Variants in TMEM272 observed in about 807,000 individuals in gnomAD.
The protein encoded by TMEM272 is transmembrane protein 272.
A neutral mutation model predicts 3.7 loss-of-function variants in TMEM272; 8 were observed. The ratio of observed to expected loss-of-function variants is 2.17; its 90% confidence interval spans 1.27 to 3.91. The LOEUF (loss-of-function observed/expected upper bound fraction) is 3.91. TMEM272 is among the 30% of genes most tolerant of loss of function. TMEM272 has a pLI of 0.00. For missense variants in TMEM272, 166 were observed against 91.5 expected, an observed-to-expected ratio of 1.81 and a Z score of -3.32; for synonymous variants, 63 against 39.8, an observed-to-expected ratio of 1.58 and a Z score of -2.20.
At chr13:51,860,632 A>G in the TMEM272 span, among the ~76,000 whole-genome samples, 2 of 63,552 alleles carry the variant, frequency 3.1e-5, no homozygotes, top group African/African-American at 1.4e-4. Flanking sequence ...TGACAGAAAC[A>G]TGTCTCAAAA....
the TMEM272 span, among the ~76,000 whole-genome samples, chr13:51,875,850 A>G: frequency 6.6e-6 from 1 of 152,008 alleles, no homozygotes. Flanking sequence ...CCTGTGGGAG[A>G]CAGCTGTCTT....
At chr13:51,874,346 C>CT in the TMEM272 span, among the ~76,000 whole-genome samples, 9 of 152,246 alleles carry the variant, frequency 5.9e-5, no homozygotes, top group South Asian at 2.1e-4. Flanking sequence ...GTTTCTTTCT[C>CT]TTTTTTTAAC....
intron 2 of TMEM272, among the ~76,000 whole-genome samples, chr13:51,830,038 A>G (rs1956160025): frequency 6.6e-6 from 1 of 152,198 alleles, no homozygotes; most frequent in East Asian, 1.9e-4. Flanking sequence ...AATCACTCTT[A>G]TCTTCCCTTA....
chr13:51,904,495 A>G, the TMEM272 span, among the ~76,000 whole-genome samples: 10 of 152,166 alleles, frequency 6.6e-5, no homozygotes, highest in African/African-American at 2.4e-4. Context: ...GCATAGTAGT[A>G]ATGAATAATT....
the TMEM272 span, among the ~76,000 whole-genome samples, chr13:51,907,382 G>A: frequency 1.4e-4 from 21 of 152,242 alleles, no homozygotes; most frequent in African/African-American, 4.3e-4. Flanking sequence ...GCCCTTGAGC[G>A]TGCTTTTCAC....
the TMEM272 span, among the ~76,000 whole-genome samples, chr13:51,929,875 C>A: frequency 1.3e-5 from 2 of 152,278 alleles, no homozygotes. Flanking sequence ...CAGCACTCAG[C>A]AGCCTGGAGG....
chr13:51,869,298 T>G, the TMEM272 span, among the ~76,000 whole-genome samples: 6 of 152,188 alleles, frequency 3.9e-5, no homozygotes, highest in African/African-American at 1.2e-4. Context: ...TATTCCTCAT[T>G]GCCCCGAGGA....
the TMEM272 span, among the ~76,000 whole-genome samples, chr13:51,927,966 C>T: frequency 7.2e-5 from 11 of 152,246 alleles, no homozygotes; most frequent in Admixed American, 2.0e-4. Flanking sequence ...GGGGTACAGT[C>T]GGGTTTTGAA....
At chr13:51,852,739 C>T in the TMEM272 span, among the ~76,000 whole-genome samples, 4 of 152,114 alleles carry the variant, frequency 2.6e-5, no homozygotes, top group South Asian at 4.2e-4. Flanking sequence ...ATTAGCCGGG[C>T]GTGGTGGCGG....
At chr13:51,902,964 G>A in the TMEM272 span, among the ~76,000 whole-genome samples, 3 of 152,226 alleles carry the variant, frequency 2.0e-5, no homozygotes, top group African/African-American at 7.2e-5. Context: ...AGGTGGCTGC[G>A]GTGAGCAATA....
At chr13:51,911,989 C>T in the TMEM272 span, among the ~76,000 whole-genome samples, 3 of 152,088 alleles carry the variant, frequency 2.0e-5, no homozygotes, top group Non-Finnish European at 4.4e-5. Context: ...TTACTTCGGG[C>T]ACCCACATGG....
the TMEM272 span, among the ~76,000 whole-genome samples, chr13:51,862,526 T>C: frequency 2.0e-5 from 3 of 152,196 alleles, no homozygotes; most frequent in Admixed American, 1.3e-4. Flanking sequence ...CCTAACCCAG[T>C]AGACGCCCAT....
the TMEM272 span, among the ~76,000 whole-genome samples, chr13:51,929,607 A>G: frequency 2.6e-5 from 4 of 152,240 alleles, no homozygotes. Flanking sequence ...GAGGAAGTAC[A>G]GATTCAACTC....
At position 51,844,366 on chromosome 13, in the gene TMEM272, C is replaced by T. The variant is rs541041142; in HGVS notation, c.-24+650G>A. Among the ~76,000 whole-genome samples, 6 of 149,472 alleles carry T rather than the reference C, an allele frequency of 4.0e-5. No individual in the cohort carries two copies. In the South Asian group the frequency reaches 8.8e-4, roughly 22 times the overall value. On this transcript the variant is annotated intron_variant, in intron 1 of 4. Transcript: ENST00000629372. ...AATAACATTGAATATTAGACATTAA[C>T]CATCCCCATACCTGTTCCTTCAAAG...
chr13:51,930,519 C>T, the TMEM272 span: 1 of 152,196 alleles, frequency 6.6e-6, no homozygotes, highest in Non-Finnish European at 1.5e-5. Context: ...CCTAGCTCCA[C>T]AATACTTTCC....
At chr13:51,894,905 T>A in the TMEM272 span, among the ~76,000 whole-genome samples, 6 of 151,594 alleles carry the variant, frequency 4.0e-5, no homozygotes, top group African/African-American at 1.5e-4. Flanking sequence ...AACTAGATGG[T>A]CCCATCTGGG....
chr13:51,880,592 T>C, the TMEM272 span, among the ~76,000 whole-genome samples: 1 of 152,142 alleles, frequency 6.6e-6, no homozygotes, highest in Non-Finnish European at 1.5e-5. Flanking sequence ...TTCCCACCCG[T>C]AGAAATTACA....
the TMEM272 span, among the ~76,000 whole-genome samples, chr13:51,892,800 C>A: frequency 6.6e-6 from 1 of 152,148 alleles, no homozygotes; most frequent in South Asian, 2.1e-4. Context: ...GTGGCTCAGT[C>A]CCCTCCCTTT....
the TMEM272 span, among the ~76,000 whole-genome samples, chr13:51,890,453 C>T: frequency 5.3e-5 from 8 of 152,288 alleles, no homozygotes; most frequent in East Asian, 1.2e-3. Context: ...CATGTGCTGG[C>T]TCTCCTTCAC....
Sources: gnomAD v4.1 joint callset for allele counts (sites outside exome capture counted in the v4.1 genomes callset) on GRCh38, gnomAD v4.1.1 for gene constraint, MANE v1.5 for transcripts, NCBI Gene and HGNC (gene_info 2026-07-23, HGNC 2026-07-21) for gene names.